The following TFG variants were observed in gnomAD, a reference collection of about 807,000 sequenced individuals.
The protein encoded by TFG is trafficking from ER to golgi regulator.
Under a neutral mutation model 51.4 loss-of-function variants are expected in TFG, and 22 were observed. The observed-to-expected ratio is 0.43, with a 90% CI of 0.31 to 0.61. TFG has a LOEUF of 0.61. TFG is among the 20% of genes least tolerant of loss of function. The pLI is 0.12. For missense variants in TFG, 419 were observed against 487.7 expected (o/e 0.86, Z 1.33); for synonymous variants, 187 against 165.6 (o/e 1.13, Z -0.99).
intron 6 of TFG, chr3:100,742,890 C>CAAAA (rs35152775): frequency 7.1e-6 from 1 of 141,804 alleles, no homozygotes. Flanking sequence ...TGAAAACATG[C>CAAAA]AAAAAAAAAA....
intron 5 of TFG, 23 bp from the exon 6 acceptor site, chr3:100,736,553 C>T (rs1211523820): frequency 1.2e-6 from 2 of 1,612,284 alleles, no homozygotes. Flanking sequence ...GGATACTAAA[C>T]TGACTTTTTT....
chr3:100,732,215 T>G (rs1364714297), intron 4 of TFG, among the ~76,000 whole-genome samples: 1 of 152,192 alleles, frequency 6.6e-6, no homozygotes, highest in Non-Finnish European at 1.5e-5. Flanking sequence ...AATGTTTCTC[T>G]TTATCAAGGA....
chr3:100,718,549 GTTTTTTTTT>G (rs57611480), intron 2 of TFG, among the ~76,000 whole-genome samples: 3 of 60,072 alleles, frequency 5.0e-5, no homozygotes, highest in Non-Finnish European at 9.2e-5. Flanking sequence ...GTATTTCATG[GTTTTTTTTT>G]TTTTTTTTTT....
chr3:100,729,046 C>G (rs2095084119), intron 4 of TFG, among the ~76,000 whole-genome samples, 188 bp downstream of exon 4: 1 of 152,306 alleles, frequency 6.6e-6, no homozygotes, highest in Admixed American at 6.5e-5. Flanking sequence ...TAGGAGGTTT[C>G]ATTATACCAA....
At chr3:100,742,285 G>T (rs745833586) in intron 6 of TFG, among the ~76,000 whole-genome samples, 11 of 152,118 alleles carry the variant, frequency 7.2e-5, no homozygotes, top group African/African-American at 2.7e-4. Context: ...GAGGAAATCA[G>T]TTCTACCATA....
intron 2 of TFG, among the ~76,000 whole-genome samples, chr3:100,718,121 C>G (rs2095051235): frequency 6.6e-6 from 1 of 151,976 alleles, no homozygotes; most frequent in Admixed American, 6.6e-5. Flanking sequence ...AAATGGGGGT[C>G]TCACTGTGTT....
At chr3:100,721,642 C>A (rs1395494388) in intron 3 of TFG, among the ~76,000 whole-genome samples, 1 of 152,066 alleles carries the variant, frequency 6.6e-6, no homozygotes, top group African/African-American at 2.4e-5. Context: ...TTAGAAAAAT[C>A]TCAGAAGAAA....
chr3:100,713,929 G>A, intron 2 of TFG, 60 bp downstream of exon 2: 12 of 990,852 alleles, frequency 1.2e-5, no homozygotes, highest in Non-Finnish European at 1.7e-5. Context: ...AAAAAAGACA[G>A]AGCCTCTGTT....
chr3:100,744,773 T>C, intron 6 of TFG, 60 bp from the exon 7 acceptor site: 2 of 1,099,352 alleles, frequency 1.8e-6, no homozygotes, highest in South Asian at 1.3e-5. Context: ...CTTAAAAATA[T>C]TTCTCTTTGC....
At chr3:100,727,898 G>C (rs1015759571) in intron 3 of TFG, among the ~76,000 whole-genome samples, 5 of 152,152 alleles carry the variant, frequency 3.3e-5, no homozygotes, top group Non-Finnish European at 7.4e-5. Context: ...GCAGTGGAGT[G>C]ATCTCAGCCA....
chr3:100,728,586 C>T, intron 3 of TFG, 126 bp from the exon 4 acceptor site: 2 of 693,910 alleles, frequency 2.9e-6, no homozygotes, highest in Non-Finnish European at 4.4e-6. Flanking sequence ...AAAAAAGTTA[C>T]TCCATTACAT....
At chr3:100,740,824 T>C (rs2095119274) in intron 6 of TFG, among the ~76,000 whole-genome samples, 1 of 152,210 alleles carries the variant, frequency 6.6e-6, no homozygotes, top group Non-Finnish European at 1.5e-5. Flanking sequence ...TCATTGATTC[T>C]TTTTGAAAAT....
chr3:100,736,481 G>C (rs1346550211), intron 5 of TFG, 95 bp from the exon 6 acceptor site: 10 of 1,353,120 alleles, frequency 7.4e-6, no homozygotes, highest in Non-Finnish European at 1.0e-5. Context: ...TTATTCTATA[G>C]TACTTTTAGT....
At chr3:100,739,429 A>G (rs990807915) in intron 6 of TFG, among the ~76,000 whole-genome samples, 1 of 152,144 alleles carries the variant, frequency 6.6e-6, no homozygotes, top group African/African-American at 2.4e-5. Context: ...ACTCTTTTTC[A>G]TATAAAGCCA....
chr3:100,710,738 C>A (rs551847451), intron 1 of TFG, among the ~76,000 whole-genome samples: 1 of 152,026 alleles, frequency 6.6e-6, no homozygotes, highest in Non-Finnish European at 1.5e-5. Flanking sequence ...AGTTAGAAGC[C>A]GAGTCATTTC....
intron 7 of TFG, 29 bp downstream of exon 7, chr3:100,744,960 C>G (rs773391088): frequency 1.3e-6 from 2 of 1,514,712 alleles, no homozygotes; most frequent in Non-Finnish European, 1.8e-6. Context: ...GGAGTTGGCT[C>G]ATGGTTTTTT....
chr3:100,710,113 A>C (rs1033857536), intron 1 of TFG: 2 of 152,354 alleles, frequency 1.3e-5, no homozygotes, highest in African/African-American at 4.8e-5. Context: ...CCGGCGCCCA[A>C]TACCCGAAGG....
intron 3 of TFG, among the ~76,000 whole-genome samples, chr3:100,722,189 G>A (rs903694060): frequency 2.0e-5 from 3 of 152,104 alleles, no homozygotes; most frequent in Non-Finnish European, 4.4e-5. Context: ...AGAGCAAGAT[G>A]CTATTGTATT....
chr3:100,748,757 GA>G lies in TFG; in HGVS notation c.*228del, dbSNP rs1415572213. ...ATGTAGCAGCTTCTTAGTTACTTTG[GA>G]ACACTACTCTTACATGTATAAAGTG... On this transcript the variant is annotated 3_prime_UTR_variant, in exon 8 of 8. Transcript: ENST00000240851. 8 of 518,246 alleles carry G rather than the reference GA, an allele frequency of 1.5e-5. No homozygotes were observed. In the East Asian group the frequency reaches 2.5e-4, roughly 16 times the overall value. 32.1% of individuals were successfully genotyped at this position (518,246 alleles called of 1,614,324 possible). A position where few individuals can be genotyped will look rare whatever the true frequency, so the allele number is the denominator to read the frequency against.
Sources: allele counts gnomAD v4.1 joint callset (sites outside exome capture counted in the v4.1 genomes callset), GRCh38; gene constraint gnomAD v4.1.1; transcripts MANE v1.5; gene names NCBI Gene and HGNC (gene_info 2026-07-23, HGNC 2026-07-21).